Variants in GRID2 observed in about 807,000 individuals in gnomAD.
The protein encoded by GRID2 is glutamate receptor ionotropic, delta-2.
Under a neutral mutation model 114.8 loss-of-function variants are expected in GRID2, and 33 were observed. The observed-to-expected ratio is 0.29, with a 90% CI of 0.22 to 0.38. The LOEUF is 0.38. GRID2 is among the 10% of genes least tolerant of loss of function. GRID2 has a pLI of 1.00. For missense variants in GRID2, 1,184 were observed against 1,257.7 expected (o/e 0.94, Z 0.89); for synonymous variants, 505 against 449.9 (o/e 1.12, Z -1.55).
rs1729989848 is a variant in GRID2 at position 93,082,871 on chromosome 4, T to G, written c.245-2124T>G. 1.3e-5 allele frequency among the ~76,000 whole-genome samples: 2 copies of G among 152,194 alleles called. 1 individual carries two copies. The highest frequency in any genetic ancestry group is 1.3e-4 in the Admixed American group (2 of 15,282). On this transcript the variant is annotated intron_variant, in intron 2 of 15. Coordinates refer to ENST00000282020, the MANE Select transcript of GRID2 (RefSeq NM_001510.4). ...ACAGTGGGTTGGAAGAAACAAGATT[T>G]TATGCTAAAGCAAATGTATCTACTA...
intron 12 of GRID2, among the ~76,000 whole-genome samples, chr4:93,506,909 G>A (rs576143062): frequency 6.6e-6 from 1 of 152,286 alleles, no homozygotes; most frequent in East Asian, 1.9e-4. Context: ...CAGCACTTTG[G>A]TGCTGGTACA....
At chr4:92,612,854 A>T (rs1729821794) in intron 2 of GRID2, among the ~76,000 whole-genome samples, 1 of 151,384 alleles carries the variant, frequency 6.6e-6, no homozygotes, top group Non-Finnish European at 1.5e-5. Flanking sequence ...TGCAAGTAGG[A>T]TCATGTTATG....
chr4:92,713,156 C>T (rs1366034854), intron 2 of GRID2, among the ~76,000 whole-genome samples: 3 of 151,526 alleles, frequency 2.0e-5, no homozygotes, highest in Non-Finnish European at 4.4e-5. Context: ...CTCCCCCCAC[C>T]CCACAACAGG....
chr4:93,255,104 C>A (rs1749416996), intron 8 of GRID2, among the ~76,000 whole-genome samples: 2 of 152,078 alleles, frequency 1.3e-5, no homozygotes, highest in African/African-American at 2.4e-5. Context: ...CTCGTGTTAG[C>A]TGTATCTACT....
rs577096256 is a variant in GRID2, at chr4:92,927,255, C to G, written c.245-157740C>G. 2.6e-5 allele frequency among the ~76,000 whole-genome samples: 4 copies of G among 151,928 alleles called. No individual in the cohort carries two copies. In the South Asian group the frequency reaches 8.3e-4, roughly 32 times the overall value. ...GAAATCCAAAGAGTAATACCCCTAT[C>G]TTAGTTGTTGAGGGATCCTGTAAAG... On this transcript the variant is annotated intron_variant, in intron 2 of 15. Transcript: ENST00000282020.
intron 14 of GRID2, among the ~76,000 whole-genome samples, chr4:93,729,121 C>T (rs1157094965): frequency 1.5e-4 from 23 of 152,146 alleles, no homozygotes; most frequent in Admixed American, 1.5e-3. Flanking sequence ...TGATCTTGAA[C>T]TCCTGACCTC....
chr4:92,834,512 G>C (rs760907019), intron 2 of GRID2, among the ~76,000 whole-genome samples: 1 of 152,032 alleles, frequency 6.6e-6, no homozygotes, highest in Admixed American at 6.6e-5. Context: ...AATTTTTGTC[G>C]TTTAATCAGG....
chr4:93,087,678 A>G (rs1224194355), intron 3 of GRID2, among the ~76,000 whole-genome samples: 1 of 152,086 alleles, frequency 6.6e-6, no homozygotes, highest in Non-Finnish European at 1.5e-5. Flanking sequence ...TTTGGGATAA[A>G]CTTGCTTTTT....
chr4:93,480,741 T>A (rs543824075), intron 11 of GRID2, among the ~76,000 whole-genome samples: 1 of 152,028 alleles, frequency 6.6e-6, no homozygotes, highest in Non-Finnish European at 1.5e-5. Flanking sequence ...CAGTGTTATC[T>A]GAGACTTCAG....
At chr4:93,311,533 A>G (rs531828460) in intron 8 of GRID2, among the ~76,000 whole-genome samples, 1 of 152,344 alleles carries the variant, frequency 6.6e-6, no homozygotes, top group African/African-American at 2.4e-5. Flanking sequence ...ATAGCAAGAA[A>G]AAAAATGAGG....
chr4:93,628,598 G>A (rs1742945662), intron 14 of GRID2, among the ~76,000 whole-genome samples: 1 of 152,060 alleles, frequency 6.6e-6, no homozygotes, highest in Non-Finnish European at 1.5e-5. Context: ...AAGCATAATA[G>A]AATGAAAAGG....
At chr4:93,407,340 G>C (rs905681721) in intron 9 of GRID2, among the ~76,000 whole-genome samples, 10 of 152,010 alleles carry the variant, frequency 6.6e-5, no homozygotes, top group Non-Finnish European at 1.0e-4. Flanking sequence ...GAGGTGGGAA[G>C]ATAATCAAGG....
At chr4:92,786,158 A>C (rs560552327) in intron 2 of GRID2, among the ~76,000 whole-genome samples, 1 of 151,894 alleles carries the variant, frequency 6.6e-6, no homozygotes, top group South Asian at 2.1e-4. Flanking sequence ...CTTGCCTAAA[A>C]CTTCTTGTAT....
intron 1 of GRID2, among the ~76,000 whole-genome samples, chr4:92,525,966 G>T (rs1660373814): frequency 6.6e-6 from 1 of 152,056 alleles, no homozygotes; most frequent in African/African-American, 2.4e-5. Context: ...TTTTCACAAA[G>T]AACGCTCTCT....
chr4:92,562,895 T>C (rs1727165200), intron 1 of GRID2, among the ~76,000 whole-genome samples: 1 of 152,198 alleles, frequency 6.6e-6, no homozygotes, highest in African/African-American at 2.4e-5. Flanking sequence ...CTCATATACA[T>C]AGTTCCCTTT....
intron 2 of GRID2, among the ~76,000 whole-genome samples, chr4:92,869,941 C>T (rs1164310796): frequency 6.6e-6 from 1 of 152,014 alleles, no homozygotes; most frequent in Non-Finnish European, 1.5e-5. Context: ...TGCCCATGAT[C>T]TCAGCATTTT....
chr4:93,233,521 T>C (rs1210747506), intron 7 of GRID2, among the ~76,000 whole-genome samples: 1 of 151,806 alleles, frequency 6.6e-6, no homozygotes, highest in African/African-American at 2.4e-5. Flanking sequence ...TTTTGTATTT[T>C]TAGTAGAGAC....
At chr4:93,702,116 A>G (rs1296948673) in intron 14 of GRID2, among the ~76,000 whole-genome samples, 3 of 152,120 alleles carry the variant, frequency 2.0e-5, no homozygotes, top group Non-Finnish European at 4.4e-5. Context: ...TGTGTCTCCA[A>G]ATAATAACTG....
chr4:93,645,333 T>A (rs192626867), intron 14 of GRID2, among the ~76,000 whole-genome samples: 163 of 152,208 alleles, frequency 1.1e-3, no homozygotes, highest in African/African-American at 3.9e-3. Flanking sequence ...TATGTTGAAC[T>A]TGGGGCACCA....
Sources: allele counts gnomAD v4.1 joint callset (sites outside exome capture counted in the v4.1 genomes callset), GRCh38; gene constraint gnomAD v4.1.1; transcripts MANE v1.5; gene names NCBI Gene and HGNC (gene_info 2026-07-23, HGNC 2026-07-21).